DIPK2B: variants seen among roughly 807,000 people sequenced by gnomAD.
DIPK2B encodes the protein divergent protein kinase domain 2B.
In DIPK2B, 15 loss-of-function variants were observed where a neutral mutation model predicts 22.2. That is an observed-to-expected ratio of 0.68 (90% CI 0.45 to 1.04). The LOEUF (loss-of-function observed/expected upper bound fraction) is 1.04. Ranked by LOEUF, DIPK2B falls within the 50% of genes least tolerant of loss-of-function variation. The pLI, the probability that DIPK2B is intolerant of heterozygous loss-of-function variation, is 0.00. For synonymous variants in DIPK2B, 163 were observed against 153.2 expected, an observed-to-expected ratio of 1.06 and a Z score of -0.47; for missense variants, 345 against 348.3, an observed-to-expected ratio of 0.99 and a Z score of 0.08.
At chrX:45,166,157 C>A (rs67006999) in intron 2 of DIPK2B, among the ~76,000 whole-genome samples, 18,443 of 111,048 alleles carry the variant, frequency 0.17, 1,369 homozygotes, top group East Asian at 0.43. Context: ...TGGGGCAATG[C>A]TATGGAAAGA....
chrX:45,163,909 T>G, intron 2 of DIPK2B: 3 of 886,598 alleles, frequency 3.4e-6, no homozygotes, highest in African/African-American at 2.1e-5. Flanking sequence ...CACATCTGGA[T>G]TGGGGTGGGC....
intron 2 of DIPK2B, among the ~76,000 whole-genome samples, chrX:45,185,333 G>A (rs1272410643): frequency 1.8e-5 from 2 of 112,052 alleles, no homozygotes; most frequent in South Asian, 3.7e-4. Context: ...ATCAAAGGAA[G>A]AATTGTATAG....
At chrX:45,159,984 C>A (rs2047014093) in intron 2 of DIPK2B, among the ~76,000 whole-genome samples, 1 of 110,458 alleles carries the variant, frequency 9.1e-6, no homozygotes, top group South Asian at 3.8e-4. Flanking sequence ...GAATTATAAT[C>A]CCCAGTGTTG....
At chrX:45,177,250 T>C (rs188346783) in intron 2 of DIPK2B, among the ~76,000 whole-genome samples, 5 of 108,488 alleles carry the variant, frequency 4.6e-5, no homozygotes, top group Non-Finnish European at 9.6e-5. Flanking sequence ...GAGGCTGCAG[T>C]GAGCTGTGAT....
intron 2 of DIPK2B, among the ~76,000 whole-genome samples, chrX:45,179,670 T>C (rs1301102313): frequency 9.0e-6 from 1 of 111,158 alleles, no homozygotes; most frequent in African/African-American, 3.3e-5. Flanking sequence ...CAGCAGAACT[T>C]ATTAGTGAGC....
At chrX:45,185,068 T>C (rs2047175065) in intron 2 of DIPK2B, among the ~76,000 whole-genome samples, 1 of 112,417 alleles carries the variant, frequency 8.9e-6, no homozygotes, top group South Asian at 3.6e-4. Context: ...GGTAGCACAA[T>C]CAATTGATAT....
chrX:45,161,621 A>G (rs1217528519), intron 2 of DIPK2B, among the ~76,000 whole-genome samples: 9 of 112,823 alleles, frequency 8.0e-5, no homozygotes, highest in African/African-American at 2.9e-4. Context: ...ACTTAATCCT[A>G]AATATCACAG....
chrX:45,158,816 G>T, intron 2 of DIPK2B, among the ~76,000 whole-genome samples: 1 of 112,064 alleles, frequency 8.9e-6, no homozygotes, highest in Non-Finnish European at 1.9e-5. Flanking sequence ...ATTAATAGAT[G>T]TTAATTCACA....
intron 1 of DIPK2B, among the ~76,000 whole-genome samples, chrX:45,195,389 G>A (rs1390505563): frequency 9.0e-6 from 1 of 111,477 alleles, no homozygotes; most frequent in Non-Finnish European, 1.9e-5. Context: ...ATCCCCCCAA[G>A]TCCCTCAACA....
chrX:45,182,931 G>A (rs982781772), intron 2 of DIPK2B, among the ~76,000 whole-genome samples: 9 of 111,839 alleles, frequency 8.0e-5, no homozygotes, highest in Non-Finnish European at 1.5e-4. Flanking sequence ...TAAGCAAACT[G>A]GGATGGTTGG....
In DIPK2B at chrX:45,155,961, C is replaced by CTTTTTTTTTTTTTTTTTT. The variant is rs757375184; in HGVS notation, c.672+1736_672+1753dup. ...AGTTTCCCCTGCCTAAAGGGGACCT[C>CTTTTTTTTTTTTTTTTTT]TTTTTTTTTTTTTTTTTTTTTTTTA... On this transcript the variant is annotated intron_variant, in intron 3 of 4. Transcript: ENST00000398000. 8.7e-4 allele frequency among the ~76,000 whole-genome samples: 48 copies of CTTTTTTTTTTTTTTTTTT among 55,255 alleles called. 4 individuals carry two copies. Among genetic ancestry groups the CTTTTTTTTTTTTTTTTTT allele is most frequent in the African/African-American group, 3.2e-3 (44 of 13,758 alleles). The allele number at this position is 55,255 out of a possible 115,157, so 48.0% of individuals were successfully genotyped here. A position where few individuals can be genotyped will look rare whatever the true frequency, so the allele number is the denominator to read the frequency against.
At chrX:45,172,891 C>G (rs1056840022) in intron 2 of DIPK2B, among the ~76,000 whole-genome samples, 2 of 111,546 alleles carry the variant, frequency 1.8e-5, no homozygotes, top group African/African-American at 6.5e-5. Context: ...TTCGTGCATC[C>G]AAGCTTGCAG....
At chrX:45,187,358 G>A (rs2047188857) in intron 2 of DIPK2B, among the ~76,000 whole-genome samples, 1 of 111,841 alleles carries the variant, frequency 8.9e-6, no homozygotes, top group African/African-American at 3.3e-5. Context: ...CTGTTTGTGG[G>A]CTAGTAATTT....
At chrX:45,157,044 C>T (rs984140291) in intron 3 of DIPK2B, among the ~76,000 whole-genome samples, 4 of 109,961 alleles carry the variant, frequency 3.6e-5, no homozygotes, top group African/African-American at 1.3e-4. Flanking sequence ...CAGCTCCTCT[C>T]TCCCAATTTC....
rs1005526253 is a variant in DIPK2B at position 45,152,516 on chromosome X, T to C, written c.962-524A>G. Among the ~76,000 whole-genome samples, 3 of 111,850 alleles carry C rather than the reference T, an allele frequency of 2.7e-5. No individual in the cohort carries two copies. The Admixed American group carries it at 2.9e-4, about 11-fold the overall frequency. On this transcript the variant is annotated intron_variant, in intron 4 of 4. Coordinates refer to ENST00000398000, the MANE Select transcript of DIPK2B (RefSeq NM_176819.4). ...GAGGCCTGGGCATGGAAAACCCACT[T>C]ACCCCTACCAGAAGTTAGGCTGATA...
chrX:45,173,809 G>A (rs1224657395), intron 2 of DIPK2B, among the ~76,000 whole-genome samples: 2 of 110,323 alleles, frequency 1.8e-5, no homozygotes, highest in Non-Finnish European at 1.9e-5. Context: ...GAGCTCAAGC[G>A]ATCCTCCCGC....
At chrX:45,164,888 G>A (rs1002755747) in intron 2 of DIPK2B, among the ~76,000 whole-genome samples, 4 of 111,556 alleles carry the variant, frequency 3.6e-5, no homozygotes, top group African/African-American at 1.3e-4. Context: ...AGTGAGCCAC[G>A]GTCATTCCAA....
At chrX:45,164,606 G>A (rs755989438) in intron 2 of DIPK2B, among the ~76,000 whole-genome samples, 1 of 111,500 alleles carries the variant, frequency 9.0e-6, no homozygotes, top group African/African-American at 3.3e-5. Context: ...TGGGCCAGGG[G>A]CCTGTTGGGG....
chrX:45,199,457 C>T (rs185738895), intron 1 of DIPK2B, among the ~76,000 whole-genome samples: 7 of 110,962 alleles, frequency 6.3e-5, no homozygotes, highest in African/African-American at 2.3e-4. Flanking sequence ...CAATTAAAGA[C>T]CCCCTGCCCC....
Sources: gnomAD v4.1 joint callset for allele counts (sites outside exome capture counted in the v4.1 genomes callset) on GRCh38, gnomAD v4.1.1 for gene constraint, MANE v1.5 for transcripts, NCBI Gene and HGNC (gene_info 2026-07-23, HGNC 2026-07-21) for gene names.